CACUL1: variants seen among roughly 807,000 people sequenced by gnomAD.
CACUL1 encodes the protein CDK2 associated cullin domain 1, also known as CDK2-associated and cullin domain-containing protein 1.
In CACUL1, 13 loss-of-function variants were observed where a neutral mutation model predicts 45.2. The observed-to-expected ratio is 0.29, with a 90% CI of 0.19 to 0.46. CACUL1 has a LOEUF of 0.46. Ranked by LOEUF, CACUL1 falls within the 20% of genes least tolerant of loss-of-function variation. CACUL1 has a pLI of 1.00. For synonymous variants in CACUL1, 197 were observed against 174.2 expected, an observed-to-expected ratio of 1.13 and a Z score of -1.03; for missense variants, 421 against 471.4, an observed-to-expected ratio of 0.89 and a Z score of 0.99.
chr10:118,739,175 G>A (rs1845769082), intron 1 of CACUL1, among the ~76,000 whole-genome samples: 1 of 149,740 alleles, frequency 6.7e-6, no homozygotes, highest in African/African-American at 2.5e-5. Flanking sequence ...CAGCCTGGGT[G>A]ACAGAGACTC....
chr10:118,740,317 C>G (rs1845780222), intron 1 of CACUL1, among the ~76,000 whole-genome samples: 1 of 152,114 alleles, frequency 6.6e-6, no homozygotes, highest in Non-Finnish European at 1.5e-5. Flanking sequence ...CTGATTAAAA[C>G]CACAAATTGT....
At chr10:118,689,506 T>C (rs1845240791) in intron 7 of CACUL1, among the ~76,000 whole-genome samples, 1 of 152,160 alleles carries the variant, frequency 6.6e-6, no homozygotes, top group Non-Finnish European at 1.5e-5. Flanking sequence ...TTTTATAAAA[T>C]AATTCCACTT....
chr10:118,720,913 A>G (rs1845593671), intron 3 of CACUL1, among the ~76,000 whole-genome samples: 1 of 152,078 alleles, frequency 6.6e-6, no homozygotes. Flanking sequence ...TCTAGTAGAG[A>G]GGAAAAAAAT....
chr10:118,681,640 A>G lies in CACUL1; in HGVS notation c.*4488T>C, dbSNP rs1456923781. ...AGTCCAGAGATGAAGATAATTTCCA[A>G]CCAGCAGGGATGCAATATATAGTAG... On this transcript the variant is annotated 3_prime_UTR_variant, in exon 9 of 9. Coordinates refer to ENST00000369151, the MANE Select transcript of CACUL1 (RefSeq NM_153810.5). 6.6e-6 allele frequency: 1 copy of G among 152,232 alleles called. No homozygotes were observed. Among genetic ancestry groups the G allele is most frequent in the African/African-American group, 2.4e-5 (1 of 41,460 alleles). 9.4% of individuals were successfully genotyped at this position (152,232 alleles called of 1,614,324 possible).
chr10:118,690,529 T>C (rs2119548801), intron 7 of CACUL1, among the ~76,000 whole-genome samples: 1 of 152,010 alleles, frequency 6.6e-6, no homozygotes, highest in East Asian at 1.9e-4. Context: ...CCAAGAAAGG[T>C]AAATAAAGAG....
intron 3 of CACUL1, among the ~76,000 whole-genome samples, chr10:118,717,023 C>A (rs1845553468): frequency 6.6e-6 from 1 of 152,190 alleles, no homozygotes; most frequent in Admixed American, 6.5e-5. Context: ...TCCGAATCAC[C>A]TGAAGGGACT....
At chr10:118,707,845 C>T (rs1413936853) in intron 3 of CACUL1, among the ~76,000 whole-genome samples, 1 of 152,124 alleles carries the variant, frequency 6.6e-6, no homozygotes, top group East Asian at 1.9e-4. Context: ...TCTTCTTTTA[C>T]TGCATAAAAA....
Position 118,754,572 on chromosome 10 carries a change from G to C in CACUL1, c.191C>G (p.Ser64Cys). ...GGQLLAVPAV[S>C]VDRKGPKEGL... is the part of the protein sequence containing the mutation. ...CTCCTTGGGGCCTTTCCTGTCCACG[G>C]AGACCGCGGGCACCGCCAGCAGCTG... Residue 64 changes from serine (S) to cysteine (C), a missense_variant, in exon 1 of 9, where the codon TCC becomes TGC. Physicochemically the swap from Ser to Cys is moderately radical, Grantham distance 112. This residue lies in a region of CACUL1 where 213 missense variants were observed against 173.1 expected (regional missense o/e 1.23). Transcript: ENST00000369151. 6.2e-7 allele frequency: 1 copy of C among 1,610,506 alleles called. No homozygotes were observed. The highest frequency in any genetic ancestry group is 8.5e-7 in the Non-Finnish European group (1 of 1,178,648).
intron 7 of CACUL1, among the ~76,000 whole-genome samples, chr10:118,687,887 T>C (rs566024928): frequency 4.6e-5 from 7 of 152,332 alleles, no homozygotes; most frequent in African/African-American, 1.7e-4. Context: ...ATAAGTTCCA[T>C]GAAAACAGGA....
intron 1 of CACUL1, among the ~76,000 whole-genome samples, chr10:118,745,380 G>T (rs533255577): frequency 6.6e-6 from 1 of 152,030 alleles, no homozygotes; most frequent in South Asian, 2.1e-4. Flanking sequence ...TGGCCAACAC[G>T]GCGAAACCTC....
chr10:118,693,394 A>G (rs1327407934), intron 6 of CACUL1: 1 of 158,944 alleles, frequency 6.3e-6, no homozygotes, highest in African/African-American at 2.4e-5. Context: ...ATCTCAGAAA[A>G]TGTGCAGGGC....
chr10:118,684,979 G>T lies in CACUL1; in HGVS notation c.*1149C>A, dbSNP rs1845189758. The T allele has an allele frequency of 6.6e-6, 1 of 152,204 alleles. No homozygotes were observed. The highest frequency in any genetic ancestry group is 2.4e-5 in the African/African-American group (1 of 41,444). 9.4% of individuals were successfully genotyped at this position (152,204 alleles called of 1,614,324 possible). A position where few individuals can be genotyped will look rare whatever the true frequency, so the allele number is the denominator to read the frequency against. Reference sequence around the variant, plus strand: ...GACTAAAAAGCACTGTGGATGTGGAGAAACAGAAATATAGCTTTGCCACAG... The same window carrying T: ...GACTAAAAAGCACTGTGGATGTGGATAAACAGAAATATAGCTTTGCCACAG... On this transcript the variant is annotated 3_prime_UTR_variant, in exon 9 of 9. Transcript: ENST00000369151.
In CACUL1 at chr10:118,685,687, C is replaced by G. The variant is rs1845197609; in HGVS notation, c.*441G>C. Reference sequence around the variant, plus strand: ...GTGAAAAATACTGTACTGTAATGATCTGCTTGGTTTTAAAGCAAAAGAGAT... The same window carrying G: ...GTGAAAAATACTGTACTGTAATGATGTGCTTGGTTTTAAAGCAAAAGAGAT... On this transcript the variant is annotated 3_prime_UTR_variant, in exon 9 of 9. Transcript: ENST00000369151. 6.4e-6 allele frequency: 1 copy of G among 155,292 alleles called. No homozygotes were observed. The highest frequency in any genetic ancestry group is 2.0e-4 in the South Asian group (1 of 5,024). The allele number at this position is 155,292 out of a possible 1,614,324, so 9.6% of individuals were successfully genotyped here. A position where few individuals can be genotyped will look rare whatever the true frequency, so the allele number is the denominator to read the frequency against.
In CACUL1 at chr10:118,683,768, G is replaced by A. The variant is rs1388487062; in HGVS notation, c.*2360C>T. 1 of 150,014 alleles carries A rather than the reference G, an allele frequency of 6.7e-6. No individual in the cohort carries two copies. Among genetic ancestry groups the A allele is most frequent in the African/African-American group, 2.5e-5 (1 of 40,718 alleles). 9.3% of individuals were successfully genotyped at this position (150,014 alleles called of 1,614,324 possible). A position where few individuals can be genotyped will look rare whatever the true frequency, so the allele number is the denominator to read the frequency against. ...CAATATAAAATGAGAGGAAGGAGGA[G>A]GAAATCTTATTTCCTCTCATACTGC... On this transcript the variant is annotated 3_prime_UTR_variant, in exon 9 of 9. Transcript: ENST00000369151.
intron 1 of CACUL1, among the ~76,000 whole-genome samples, chr10:118,744,159 G>A (rs1845818699): frequency 6.6e-6 from 1 of 152,244 alleles, no homozygotes; most frequent in Admixed American, 6.5e-5. Flanking sequence ...GCCGAGGAGG[G>A]TGGATCACCT....
At chr10:118,721,379 T>C (rs1845598512) in intron 3 of CACUL1, among the ~76,000 whole-genome samples, 1 of 152,262 alleles carries the variant, frequency 6.6e-6, no homozygotes, top group Non-Finnish European at 1.5e-5. Flanking sequence ...TAGTTTCTAT[T>C]AATTTCCATT....
At chr10:118,713,689 A>G (rs777484323) in intron 3 of CACUL1, among the ~76,000 whole-genome samples, 40 of 152,216 alleles carry the variant, frequency 2.6e-4, no homozygotes, top group Non-Finnish European at 4.4e-4. Flanking sequence ...TGAACCAACC[A>G]ATACTTTTTA....
chr10:118,753,547 A>G (rs1333833054), intron 1 of CACUL1, among the ~76,000 whole-genome samples: 1 of 152,250 alleles, frequency 6.6e-6, no homozygotes, highest in East Asian at 1.9e-4. Context: ...CACACAAACC[A>G]AAGTAAAAGC....
chr10:118,745,267 C>T (rs922669591), intron 1 of CACUL1, among the ~76,000 whole-genome samples: 1 of 151,960 alleles, frequency 6.6e-6, no homozygotes, highest in Non-Finnish European at 1.5e-5. Flanking sequence ...AAAAAGAAGA[C>T]AGGAAAAGGG....
Sources: allele counts gnomAD v4.1 joint callset (sites outside exome capture counted in the v4.1 genomes callset), GRCh38; gene constraint gnomAD v4.1.1; regional missense constraint gnomAD v4.1.1; transcripts MANE v1.5; gene names NCBI Gene and HGNC (gene_info 2026-07-23, HGNC 2026-07-21).